Variants in GALNT12 observed in about 807,000 individuals in gnomAD.
GALNT12 encodes UDP-GalNAc:polypeptide N-acetylgalactosaminyltransferase 12.
A neutral mutation model predicts 55.5 loss-of-function variants in GALNT12; 45 were observed. The observed-to-expected ratio is 0.81, with a 90% CI of 0.64 to 1.04. The LOEUF (loss-of-function observed/expected upper bound fraction) is 1.04, where lower values mean the gene tolerates loss of function less well. GALNT12 is among the 50% of genes least tolerant of loss of function. GALNT12 has a pLI of 0.00. For synonymous variants in GALNT12, 304 were observed against 312.2 expected (o/e 0.97, Z 0.28); for missense variants, 709 against 754.8 (o/e 0.94, Z 0.71).
At chr9:98,847,179 GAAA>G (rs1420112768) in intron 9 of GALNT12, 2 of 152,046 alleles carry the variant, frequency 1.3e-5, no homozygotes, top group African/African-American at 4.8e-5. Context: ...TCATTTGAAA[GAAA>G]AAAATTCATT....
chr9:98,826,377 A>T (rs1311658754), intron 2 of GALNT12, among the ~76,000 whole-genome samples: 1 of 152,228 alleles, frequency 6.6e-6, no homozygotes, highest in African/African-American at 2.4e-5. Flanking sequence ...AATTGCGATT[A>T]GATGGTTCAC....
At chr9:98,842,473 G>A (rs530778870) in intron 7 of GALNT12, among the ~76,000 whole-genome samples, 1 of 152,316 alleles carries the variant, frequency 6.6e-6, no homozygotes, top group East Asian at 1.9e-4. Context: ...ACAGGTATGA[G>A]CCACTGTGCC....
intron 8 of GALNT12, among the ~76,000 whole-genome samples, chr9:98,845,719 C>T (rs1442938631): frequency 6.6e-6 from 1 of 152,118 alleles, no homozygotes; most frequent in Admixed American, 6.5e-5. Context: ...AGGTGACATG[C>T]ACCAGCCCTG....
At chr9:98,809,260 G>A (rs1835442797) in intron 1 of GALNT12, among the ~76,000 whole-genome samples, 2 of 152,172 alleles carry the variant, frequency 1.3e-5, no homozygotes, top group Admixed American at 1.3e-4. Context: ...CCCTGTTTTG[G>A]GGATCTCCTC....
intron 1 of GALNT12, among the ~76,000 whole-genome samples, chr9:98,810,015 C>T (rs1835461624): frequency 1.3e-5 from 2 of 152,166 alleles, no homozygotes; most frequent in Non-Finnish European, 2.9e-5. Flanking sequence ...CTTACCCAGC[C>T]AGAGAGAAAG....
In GALNT12 at chr9:98,849,347, G is replaced by T. The variant is rs901925569; in HGVS notation, c.*255G>T. 3.5e-6 allele frequency: 2 copies of T among 574,746 alleles called. No homozygotes were observed. Among genetic ancestry groups the T allele is most frequent in the Non-Finnish European group, 6.1e-6 (2 of 326,182 alleles). The allele number at this position is 574,746 out of a possible 1,614,324, so 35.6% of individuals were successfully genotyped here. A position where few individuals can be genotyped will look rare whatever the true frequency, so the allele number is the denominator to read the frequency against. ...GGGTAATCGTAAGATGTTAACCCTT[G>T]GTATTTAGAAAATTAAAACCTTATA... On this transcript the variant is annotated 3_prime_UTR_variant, in exon 10 of 10. Transcript: ENST00000375011.
At chr9:98,814,811 G>C (rs567683741) in intron 1 of GALNT12, among the ~76,000 whole-genome samples, 216 of 152,290 alleles carry the variant, frequency 1.4e-3, no homozygotes, top group Non-Finnish European at 2.3e-3. Flanking sequence ...AGGGTTGTTA[G>C]GAAGGCTACA....
In GALNT12 at chr9:98,844,123, T is replaced by A. The variant is rs370060387; in HGVS notation, c.1372T>A (p.Cys458Ser). Residue 458 changes from cysteine (C) to serine (S), a missense_variant, in exon 8 of 10, where the codon TGC becomes AGC. Physicochemically the swap from Cys to Ser is moderately radical, Grantham distance 112 (BLOSUM62 -1). Around this residue, in one of 5 missense-constraint regions of GALNT12, gnomAD observed 262 missense variants for 310.7 expected, o/e 0.84. Coordinates refer to ENST00000375011, the MANE Select transcript of GALNT12 (RefSeq NM_024642.5). ...CCAGAACAAAGGACTAACAGACTAC[T>A]GCTTTGACTATAACCCTCCCGATGA... ...MLQNKGLTDY[C>S]FDYNPPDENQ... 75 of 1,613,600 alleles carry A rather than the reference T, an allele frequency of 4.6e-5. No individual in the cohort carries two copies. The highest frequency in any genetic ancestry group is 5.9e-5 in the Non-Finnish European group (70 of 1,179,604).
chr9:98,829,079 T>G (rs956153242), intron 3 of GALNT12, among the ~76,000 whole-genome samples: 2 of 151,918 alleles, frequency 1.3e-5, no homozygotes, highest in Non-Finnish European at 2.9e-5. Flanking sequence ...TCCACCCACC[T>G]CAGCCTCCCA....
chr9:98,834,577 T>C (rs749418514), intron 4 of GALNT12, among the ~76,000 whole-genome samples: 1 of 152,230 alleles, frequency 6.6e-6, no homozygotes, highest in Admixed American at 6.5e-5. Context: ...CAAGGCTGGC[T>C]GAAAAAGCAG....
At chr9:98,827,014 C>G in intron 3 of GALNT12, 73 bp downstream of exon 3, 1 of 1,482,924 alleles carries the variant, frequency 6.7e-7, no homozygotes. Context: ...AGACTCATCA[C>G]GTCACTTGAG....
chr9:98,843,670 G>T (rs1836348690), intron 7 of GALNT12, among the ~76,000 whole-genome samples: 1 of 152,194 alleles, frequency 6.6e-6, no homozygotes, highest in Admixed American at 6.5e-5. Context: ...GTCTCCCAAA[G>T]TGCTGGGATC....
intron 3 of GALNT12, among the ~76,000 whole-genome samples, chr9:98,828,682 GT>G (rs1835918540): frequency 6.6e-6 from 1 of 152,158 alleles, no homozygotes; most frequent in South Asian, 2.1e-4. Context: ...ATTTTTAATT[GT>G]TGTGGGTAAA....
chr9:98,841,671 T>C (rs1836288626), intron 7 of GALNT12, among the ~76,000 whole-genome samples: 1 of 151,780 alleles, frequency 6.6e-6, no homozygotes, highest in Non-Finnish European at 1.5e-5. Flanking sequence ...CACGACAAAT[T>C]CTTTTTTTTT....
chr9:98,834,785 G>T (rs573143470), intron 4 of GALNT12, among the ~76,000 whole-genome samples: 5 of 152,314 alleles, frequency 3.3e-5, no homozygotes, highest in Admixed American at 2.0e-4. Flanking sequence ...TCGGAACGTG[G>T]TCTCTTGCTT....
intron 9 of GALNT12, chr9:98,848,703 A>G: frequency 1.8e-6 from 1 of 552,948 alleles, no homozygotes; most frequent in South Asian, 2.0e-5. Flanking sequence ...GATGTAGGGT[A>G]TGACACATGC....
chr9:98,826,350 A>C (rs959023163), intron 2 of GALNT12, among the ~76,000 whole-genome samples: 2 of 152,206 alleles, frequency 1.3e-5, no homozygotes, highest in Admixed American at 6.5e-5. Context: ...TATTAACATA[A>C]CTACTGTTTT....
In GALNT12 at chr9:98,807,760, T is replaced by G; in HGVS notation, c.62T>G (p.Leu21Arg). The G allele has an allele frequency of 8.5e-7, 1 of 1,179,692 alleles. No homozygotes were observed. The highest frequency in any genetic ancestry group is 1.1e-6 in the Non-Finnish European group (1 of 948,834). The allele number at this position is 1,179,692 out of a possible 1,614,324, so 73.1% of individuals were successfully genotyped here. A position where few individuals can be genotyped will look rare whatever the true frequency, so the allele number is the denominator to read the frequency against. The change falls in exon 1 of 10, where the codon CTG (leucine) becomes CGG (arginine). Residue 21 changes from leucine to arginine, a missense_variant. Transcript: ENST00000375011. The stretch of plus-strand genomic sequence containing the variant: ...GAACTGCGGCGCGGCCGGGAGGCGC[T>G]GTTGGTGCTCCTGGCGCTACTGGCG... ...PRELRRGREA[L>R]LVLLALLALA...
At chr9:98,838,180 C>T (rs931002603) in intron 6 of GALNT12, among the ~76,000 whole-genome samples, 5 of 152,186 alleles carry the variant, frequency 3.3e-5, no homozygotes, top group African/African-American at 1.2e-4. Flanking sequence ...TGGAAGCTTC[C>T]TTTTCTAAAA....
Sources: allele counts gnomAD v4.1 joint callset (sites outside exome capture counted in the v4.1 genomes callset), GRCh38; gene constraint gnomAD v4.1.1; regional missense constraint gnomAD v4.1.1; transcripts MANE v1.5; gene names NCBI Gene and HGNC (gene_info 2026-07-23, HGNC 2026-07-21).